ANTXRL: variants seen among roughly 807,000 people sequenced by gnomAD.
The protein encoded by ANTXRL is anthrax toxin receptor-like.
In ANTXRL, 63 loss-of-function variants were observed where a neutral mutation model predicts 75.4. That is an observed-to-expected ratio of 0.84 (90% CI 0.68 to 1.03). ANTXRL has a LOEUF of 1.03. ANTXRL is among the 50% of genes least tolerant of loss of function. The pLI is 0.00. For missense variants in ANTXRL, 797 were observed against 789.4 expected (o/e 1.01, Z -0.12); for synonymous variants, 335 against 291.3 (o/e 1.15, Z -1.53).
chr10:46,327,396 G>A (rs782055318), intron 16 of ANTXRL, among the ~76,000 whole-genome samples: 3 of 152,060 alleles, frequency 2.0e-5, no homozygotes, highest in Non-Finnish European at 4.4e-5. Flanking sequence ...AACACACTTG[G>A]ATTGTACTAA....
intron 10 of ANTXRL, among the ~76,000 whole-genome samples, chr10:46,303,024 T>C (rs1206516628): frequency 1.2e-4 from 19 of 152,048 alleles, no homozygotes; most frequent in African/African-American, 4.6e-4. Context: ...AACAAATCCA[T>C]CTGTGCCTCA....
chr10:46,317,427 G>T (rs1554964879), intron 16 of ANTXRL, among the ~76,000 whole-genome samples: 1 of 152,164 alleles, frequency 6.6e-6, no homozygotes, highest in African/African-American at 2.4e-5. Flanking sequence ...TGGGATAGTT[G>T]TTCTGGGTAA....
At chr10:46,326,181 G>C (rs1554966434) in intron 16 of ANTXRL, among the ~76,000 whole-genome samples, 1 of 151,782 alleles carries the variant, frequency 6.6e-6, no homozygotes, top group Non-Finnish European at 1.5e-5. Flanking sequence ...TGGATAAAAA[G>C]AGGAATAGCT....
At chr10:46,306,743 TG>T in intron 10 of ANTXRL, 59 bp from the exon 11 acceptor site, 1 of 1,389,076 alleles carries the variant, frequency 7.2e-7, no homozygotes, top group Non-Finnish European at 9.6e-7. Flanking sequence ...AGGACAGACA[TG>T]GGGAGGAACA....
intron 10 of ANTXRL, among the ~76,000 whole-genome samples, chr10:46,306,445 G>A (rs1490543927): frequency 6.6e-6 from 1 of 152,166 alleles, no homozygotes; most frequent in East Asian, 1.9e-4. Flanking sequence ...CATGCATAAT[G>A]AAGCGGCTGT....
At chr10:46,286,651 G>A (rs1243994982), upstream of ANTXRL, among the ~76,000 whole-genome samples, 1 of 152,144 alleles carries the variant, frequency 6.6e-6, no homozygotes, top group African/African-American at 2.4e-5. Flanking sequence ...CATTCACAAA[G>A]ACTCTGGCAA....
chr10:46,323,002 A>C (rs987891734), intron 16 of ANTXRL, among the ~76,000 whole-genome samples: 2 of 152,180 alleles, frequency 1.3e-5, no homozygotes, highest in Non-Finnish European at 2.9e-5. Context: ...GAGTTTATCT[A>C]TTTGGAGTCC....
At chr10:46,318,092 C>T (rs752292421) in intron 16 of ANTXRL, among the ~76,000 whole-genome samples, 8 of 152,094 alleles carry the variant, frequency 5.3e-5, no homozygotes, top group Admixed American at 2.0e-4. Flanking sequence ...CTGGGATAGA[C>T]TGGGGCAGAG....
chr10:46,290,763 A>AT (rs75129433), intron 1 of ANTXRL, among the ~76,000 whole-genome samples: 4,981 of 151,652 alleles, frequency 0.033, 179 homozygotes, highest in East Asian at 0.12. Flanking sequence ...TCCTTTGCCC[A>AT]TTTTTTTTGT....
chr10:46,295,282 C>T (rs1386866505), intron 3 of ANTXRL, among the ~76,000 whole-genome samples: 24 of 152,146 alleles, frequency 1.6e-4, no homozygotes, highest in South Asian at 1.4e-3. Context: ...GGTGGCTTAG[C>T]AGGATGACTT....
At chr10:46,329,525 C>T (rs1839386242) in intron 16 of ANTXRL, 74 bp from the exon 17 acceptor site, 3 of 1,490,704 alleles carry the variant, frequency 2.0e-6, no homozygotes, top group African/African-American at 2.8e-5. Context: ...TCCCTTTGAG[C>T]CAGGCAACCG....
At chr10:46,316,495 T>C (rs1838732557) in intron 16 of ANTXRL, among the ~76,000 whole-genome samples, 1 of 152,122 alleles carries the variant, frequency 6.6e-6, no homozygotes, top group Non-Finnish European at 1.5e-5. Flanking sequence ...CACCTCTCTG[T>C]CCTGCAAGGT....
At chr10:46,316,344 A>G (rs1242786115) in intron 16 of ANTXRL, among the ~76,000 whole-genome samples, 1 of 152,012 alleles carries the variant, frequency 6.6e-6, no homozygotes, top group Non-Finnish European at 1.5e-5. Flanking sequence ...CATTCCACAA[A>G]CTAATATATG....
At chr10:46,328,973 A>C (rs533155348) in intron 16 of ANTXRL, among the ~76,000 whole-genome samples, 1 of 152,156 alleles carries the variant, frequency 6.6e-6, no homozygotes, top group Non-Finnish European at 1.5e-5. Context: ...GATCATGAGC[A>C]TAAGAAGCCA....
chr10:46,305,858 C>G (rs1838048091), intron 10 of ANTXRL, among the ~76,000 whole-genome samples: 1 of 152,124 alleles, frequency 6.6e-6, no homozygotes, highest in South Asian at 2.1e-4. Flanking sequence ...AATGGTGTCG[C>G]TGTCCACCCA....
intron 16 of ANTXRL, among the ~76,000 whole-genome samples, chr10:46,325,422 T>C (rs1392703773): frequency 3.3e-5 from 5 of 152,116 alleles, no homozygotes; most frequent in Admixed American, 3.3e-4. Context: ...ACTGGTGTAA[T>C]TGGAGAGGCA....
Position 46,329,649 on chromosome 10 carries a change from C to T in ANTXRL, c.1461C>T (p.Pro487=). The stretch of plus-strand genomic sequence containing the variant: ...CACAGTCCCAATATGCACAGGCTCC[C>T]TGCTGCCCAAGGATCTGCTTTCCAC... The part of the protein sequence containing the change: ...ALAQSQYAQA[P]CCPRICFPHS... The change falls in exon 17 of 17, where the codon CCC becomes CCT. Residue 487 remains proline (P), a synonymous_variant. Transcript: ENST00000620264. 5 of 1,536,454 alleles carry T rather than the reference C, an allele frequency of 3.3e-6. No homozygotes were observed. The highest frequency in any genetic ancestry group is 4.4e-6 in the Non-Finnish European group (5 of 1,146,832).
At chr10:46,316,346 T>C (rs7099988) in intron 16 of ANTXRL, among the ~76,000 whole-genome samples, 6,897 of 151,964 alleles carry the variant, frequency 0.045, 523 homozygotes, top group African/African-American at 0.16. Context: ...TTCCACAAAC[T>C]AATATATGCC....
chr10:46,313,176 A>G (rs1838527275), intron 15 of ANTXRL, 60 bp from the exon 16 acceptor site: 1 of 1,425,266 alleles, frequency 7.0e-7, no homozygotes, highest in South Asian at 1.2e-5. Flanking sequence ...GGGAGTCCTG[A>G]TGCCTTCTGG....
Sources: allele counts gnomAD v4.1 joint callset (sites outside exome capture counted in the v4.1 genomes callset), GRCh38; gene constraint gnomAD v4.1.1; transcripts MANE v1.5; gene names NCBI Gene and HGNC (gene_info 2026-07-23, HGNC 2026-07-21).